FBLN5: variants seen among roughly 807,000 people sequenced by gnomAD.
FBLN5 encodes the protein fibulin 5, also known as fibulin-5.
In FBLN5, 24 loss-of-function variants were observed where a neutral mutation model predicts 61.6. The ratio of observed to expected loss-of-function variants is 0.39; its 90% CI spans 0.28 to 0.55. The LOEUF is 0.55. Ranked by LOEUF, FBLN5 falls within the 20% of genes least tolerant of loss-of-function variation. FBLN5 has a pLI of 0.65. For synonymous variants in FBLN5, 213 were observed against 219.8 expected (o/e 0.97, Z 0.27); for missense variants, 470 against 594.1 (o/e 0.79, Z 2.17).
intron 6 of FBLN5, among the ~76,000 whole-genome samples, chr14:91,888,565 C>T (rs138601434): frequency 0.012 from 1,808 of 148,628 alleles, 53 homozygotes; most frequent in African/African-American, 0.043. Context: ...GCTGAGATCA[C>T]GCCACTGCAC....
intron 4 of FBLN5, among the ~76,000 whole-genome samples, chr14:91,928,334 T>C (rs1421294992): frequency 6.6e-6 from 1 of 152,240 alleles, no homozygotes; most frequent in Non-Finnish European, 1.5e-5. Context: ...TAAACTTTTC[T>C]GTGTGTGCCT....
At chr14:91,934,280 C>G (rs1247769211) in intron 4 of FBLN5, among the ~76,000 whole-genome samples, 1 of 152,196 alleles carries the variant, frequency 6.6e-6, no homozygotes, top group Admixed American at 6.5e-5. Flanking sequence ...CAAATCTATA[C>G]CTCACTGAGC....
At chr14:91,895,093 A>C in intron 4 of FBLN5, 21 bp from the exon 5 acceptor site, 1 of 1,613,692 alleles carries the variant, frequency 6.2e-7, no homozygotes, top group African/African-American at 1.3e-5. Flanking sequence ...GACATAGTCC[A>C]AAGAATGTCA....
chr14:91,941,504 G>A (rs2056103271), intron 2 of FBLN5, among the ~76,000 whole-genome samples: 1 of 152,122 alleles, frequency 6.6e-6, no homozygotes, highest in Non-Finnish European at 1.5e-5. Context: ...GTTGGGCTTC[G>A]CTGAGCTGTT....
rs769246119 is a variant in FBLN5 at position 91,881,126 on chromosome 14, CACACACA to C, written c.989+159_989+165del. ...ATTCTACTCTGTTCTATTCTACACA[CACACACA>C]CACACACACACACACACACACGCAT... On this transcript the variant is annotated intron_variant, in intron 9 of 10. Transcript: ENST00000342058. 0.12 allele frequency among the ~76,000 whole-genome samples: 17,759 copies of C among 150,176 alleles called. 1,328 individuals carry two copies. The highest frequency in any genetic ancestry group is 0.17 in the Non-Finnish European group (11,677 of 67,524).
chr14:91,919,766 TC>T (rs2055701374), intron 4 of FBLN5, among the ~76,000 whole-genome samples: 1 of 152,130 alleles, frequency 6.6e-6, no homozygotes, highest in Non-Finnish European at 1.5e-5. Flanking sequence ...AAGGAACAGA[TC>T]CTTCCCTTGC....
chr14:91,913,776 C>A (rs74071614), intron 4 of FBLN5, among the ~76,000 whole-genome samples: 15,010 of 152,186 alleles, frequency 0.099, 841 homozygotes, highest in Non-Finnish European at 0.12. Flanking sequence ...CATGAAGACC[C>A]TATGTCCTGA....
intron 9 of FBLN5, chr14:91,878,152 TG>T (rs1471272621): frequency 3.0e-6 from 1 of 338,798 alleles, no homozygotes. Context: ...CCAGTCTGCA[TG>T]GAATGTTACT....
intron 1 of FBLN5, among the ~76,000 whole-genome samples, chr14:91,945,804 C>T (rs555439558): frequency 2.6e-4 from 39 of 152,298 alleles, no homozygotes; most frequent in Admixed American, 1.0e-3. Flanking sequence ...GATTCTAGAA[C>T]GCTGGAGACA....
At chr14:91,927,348 C>T (rs2140033222) in intron 4 of FBLN5, among the ~76,000 whole-genome samples, 1 of 152,306 alleles carries the variant, frequency 6.6e-6, no homozygotes, top group African/African-American at 2.4e-5. Context: ...GGGGTGTGAG[C>T]TGCAGATGCT....
chr14:91,933,241 T>C (rs1595344417), intron 4 of FBLN5, among the ~76,000 whole-genome samples: 2 of 152,210 alleles, frequency 1.3e-5, no homozygotes, highest in East Asian at 3.9e-4. Context: ...GTAGGTTTGA[T>C]AATGGTATTG....
intron 1 of FBLN5, among the ~76,000 whole-genome samples, chr14:91,944,926 T>G (rs1379438788): frequency 6.6e-6 from 1 of 152,148 alleles, no homozygotes; most frequent in South Asian, 2.1e-4. Context: ...AAAATGGTTA[T>G]GGTAGAAAAA....
intron 7 of FBLN5, 57 bp downstream of exon 7, chr14:91,887,136 C>T (rs1434740569): frequency 1.9e-6 from 3 of 1,606,252 alleles, no homozygotes; most frequent in Non-Finnish European, 2.6e-6. Flanking sequence ...CCTTGCCCTT[C>T]AACCCCTGCC....
chr14:91,908,809 A>G (rs1566814792), intron 4 of FBLN5, among the ~76,000 whole-genome samples: 1 of 152,226 alleles, frequency 6.6e-6, no homozygotes. Flanking sequence ...CTACTGACCT[A>G]GCCCAATGGT....
In FBLN5 at chr14:91,908,915, T is replaced by A. The variant is rs56383964; in HGVS notation, c.380-13843A>T. On this transcript the variant is annotated intron_variant, in intron 4 of 10. Transcript: ENST00000342058. ...TCCTGGGAATCAGTACTTTTTTTTT[T>A]AATTAATTAATTATTTTTTTTGAGA... Among the ~76,000 whole-genome samples the A allele has an allele frequency of 7.1e-3, 1,077 of 152,120 alleles. 4 individuals carry two copies. Among genetic ancestry groups the A allele is most frequent in the Non-Finnish European group, 0.01 (702 of 67,998 alleles).
rs139891766 is a variant in FBLN5 at position 91,935,799 on chromosome 14, G to A, written c.379+1148C>T. On this transcript the variant is annotated intron_variant, in intron 4 of 10. Coordinates refer to ENST00000342058, the MANE Select transcript of FBLN5 (RefSeq NM_006329.4). Reference sequence around the variant, plus strand: ...CTTCTCCACCAAAGTTGGCTTGACCGGACCCTGCGCTCATTCCCTTTGCAC... The same window carrying A: ...CTTCTCCACCAAAGTTGGCTTGACCAGACCCTGCGCTCATTCCCTTTGCAC... Among the ~76,000 whole-genome samples, 353 of 152,244 alleles carry A rather than the reference G, an allele frequency of 2.3e-3. 2 individuals carry two copies. Among genetic ancestry groups the A allele is most frequent in the Non-Finnish European group, 2.8e-3 (192 of 68,018 alleles).
At chr14:91,936,361 T>A (rs1000808522) in intron 4 of FBLN5, among the ~76,000 whole-genome samples, 2 of 152,260 alleles carry the variant, frequency 1.3e-5, no homozygotes, top group Admixed American at 1.3e-4. Context: ...AATTCCTTTG[T>A]GCCTGCTTCT....
At chr14:91,936,914 C>A (rs2056024927) in intron 4 of FBLN5, 33 bp downstream of exon 4, 3 of 1,613,992 alleles carry the variant, frequency 1.9e-6, no homozygotes, top group South Asian at 2.2e-5. Flanking sequence ...CACCAAAGCA[C>A]AGCGGAGAGG....
chr14:91,935,812 A>T (rs1340693523), intron 4 of FBLN5, among the ~76,000 whole-genome samples: 1 of 152,162 alleles, frequency 6.6e-6, no homozygotes, highest in East Asian at 1.9e-4. Flanking sequence ...CCCTGCGCTC[A>T]TTCCCTTTGC....
Sources: allele counts gnomAD v4.1 joint callset (sites outside exome capture counted in the v4.1 genomes callset), GRCh38; gene constraint gnomAD v4.1.1; transcripts MANE v1.5; gene names NCBI Gene and HGNC (gene_info 2026-07-23, HGNC 2026-07-21).